Variants in ADK observed in about 807,000 individuals in gnomAD.
ADK encodes N6,N6-dimethyladenosine kinase.
In ADK, 24 loss-of-function variants were observed where a neutral mutation model predicts 44.7. That is an observed-to-expected ratio of 0.54 (90% CI 0.39 to 0.76). ADK has a LOEUF of 0.76. Ranked by LOEUF, ADK falls within the 30% of genes least tolerant of loss-of-function variation. The pLI is 0.00. For missense variants in ADK, 321 were observed against 425.1 expected (o/e 0.76, Z 2.15); for synonymous variants, 128 against 142.6 (o/e 0.90, Z 0.73).
At chr10:74,474,612 T>C (rs1846751912) in intron 6 of ADK, among the ~76,000 whole-genome samples, 1 of 150,934 alleles carries the variant, frequency 6.6e-6, no homozygotes, top group African/African-American at 2.4e-5. Flanking sequence ...GGCGAGATCA[T>C]GGCTCGCTGA....
At chr10:74,548,809 C>T (rs143066901) in intron 7 of ADK, among the ~76,000 whole-genome samples, 63 of 152,230 alleles carry the variant, frequency 4.1e-4, no homozygotes, top group African/African-American at 1.4e-3. Flanking sequence ...ATTTGTTGAA[C>T]GAGTAAATGA....
chr10:74,575,817 A>G, intron 7 of ADK, among the ~76,000 whole-genome samples: 1 of 152,188 alleles, frequency 6.6e-6, no homozygotes, highest in East Asian at 1.9e-4. Flanking sequence ...GTGTGCAAGG[A>G]TGCCTTCAAA....
chr10:74,248,807 CA>C (rs1400234179), intron 3 of ADK, among the ~76,000 whole-genome samples: 1 of 152,192 alleles, frequency 6.6e-6, no homozygotes, highest in Non-Finnish European at 1.5e-5. Context: ...TCACCATGAT[CA>C]CTGACATCAA....
intron 3 of ADK, among the ~76,000 whole-genome samples, chr10:74,235,798 G>A (rs1844937002): frequency 6.6e-6 from 1 of 152,192 alleles, no homozygotes; most frequent in Non-Finnish European, 1.5e-5. Flanking sequence ...AGTAATAAGA[G>A]GTGGAGGCCT....
intron 1 of ADK, among the ~76,000 whole-genome samples, chr10:74,194,772 G>A (rs1019739862): frequency 2.6e-5 from 4 of 152,156 alleles, no homozygotes; most frequent in Non-Finnish European, 5.9e-5. Flanking sequence ...GCTAGTTGAC[G>A]TAGAGAGAAG....
At chr10:74,220,145 A>G (rs1378786769) in intron 2 of ADK, among the ~76,000 whole-genome samples, 1 of 152,150 alleles carries the variant, frequency 6.6e-6, no homozygotes, top group Non-Finnish European at 1.5e-5. Flanking sequence ...AGAAAAAAAG[A>G]AAGAAGAATC....
At chr10:74,610,611 T>C (rs1564818221) in intron 9 of ADK, among the ~76,000 whole-genome samples, 1 of 151,998 alleles carries the variant, frequency 6.6e-6, no homozygotes, top group Admixed American at 6.6e-5. Context: ...TTAAAAAAAA[T>C]TAAACATAAC....
At chr10:74,484,973 T>G (rs1443217943) in intron 6 of ADK, among the ~76,000 whole-genome samples, 1 of 152,028 alleles carries the variant, frequency 6.6e-6, no homozygotes, top group Non-Finnish European at 1.5e-5. Flanking sequence ...CTGTATGATC[T>G]CGGGGTGTGG....
chr10:74,662,113 A>G (rs1276460414), intron 9 of ADK, among the ~76,000 whole-genome samples: 2 of 152,310 alleles, frequency 1.3e-5, no homozygotes, highest in South Asian at 2.1e-4. Context: ...CTTAATCCAT[A>G]TAATAGTCAC....
intron 7 of ADK, among the ~76,000 whole-genome samples, chr10:74,563,633 C>T (rs1382327131): frequency 1.3e-5 from 2 of 152,104 alleles, no homozygotes; most frequent in East Asian, 3.9e-4. Flanking sequence ...ACAAAATCAG[C>T]ATTTTTAAAT....
At chr10:74,680,463 T>C (rs1234296576) in intron 10 of ADK, among the ~76,000 whole-genome samples, 1 of 152,114 alleles carries the variant, frequency 6.6e-6, no homozygotes, top group African/African-American at 2.4e-5. Flanking sequence ...TCCAAACAGC[T>C]AACAGTGGAT....
chr10:74,327,853 T>A (rs1318294389), intron 4 of ADK, among the ~76,000 whole-genome samples: 1 of 152,208 alleles, frequency 6.6e-6, no homozygotes, highest in Non-Finnish European at 1.5e-5. Flanking sequence ...AACTTAACTT[T>A]GATTGCTAAA....
chr10:74,542,292 G>A (rs1324611769), intron 7 of ADK, among the ~76,000 whole-genome samples: 1 of 152,076 alleles, frequency 6.6e-6, no homozygotes, highest in Non-Finnish European at 1.5e-5. Context: ...AGCCATGCCT[G>A]GATTCCTTTT....
chr10:74,365,543 CTGCCTTTTGAA>C (rs1205263751), intron 4 of ADK, among the ~76,000 whole-genome samples: 1 of 152,196 alleles, frequency 6.6e-6, no homozygotes, highest in Non-Finnish European at 1.5e-5. Context: ...CGAGTTGTTT[CTGCCTTTTGAA>C]TGCCTGATTT....
intron 3 of ADK, among the ~76,000 whole-genome samples, chr10:74,300,362 T>TTCCTTCCTTCCTTCCTTCCTTC (rs1564641103): frequency 7.0e-5 from 4 of 57,412 alleles, no homozygotes; most frequent in East Asian, 3.6e-4. Flanking sequence ...TTCCTTCCTT[T>TTCCTTCCTTCCTTCCTTCCTTC]CTTTCTTTCT....
chr10:74,299,499 C>CAAA (rs57161550), intron 3 of ADK, among the ~76,000 whole-genome samples: 25 of 124,134 alleles, frequency 2.0e-4, no homozygotes, highest in African/African-American at 5.0e-4. Context: ...GACTCTGTCT[C>CAAA]AAAAAAAAAA....
At chr10:74,666,733 A>G (rs1455103264) in intron 9 of ADK, among the ~76,000 whole-genome samples, 1 of 151,868 alleles carries the variant, frequency 6.6e-6, no homozygotes, top group Non-Finnish European at 1.5e-5. Context: ...GTAAGTGTAT[A>G]TTCAGATTTA....
chr10:74,573,452 C>A (rs544470409), intron 7 of ADK, among the ~76,000 whole-genome samples: 1 of 152,176 alleles, frequency 6.6e-6, no homozygotes, highest in Non-Finnish European at 1.5e-5. Context: ...CAGGGGTCAG[C>A]GGTCAGGGAC....
At chr10:74,341,054 T>C (rs1254497845) in intron 4 of ADK, among the ~76,000 whole-genome samples, 1 of 152,208 alleles carries the variant, frequency 6.6e-6, no homozygotes, top group Non-Finnish European at 1.5e-5. Context: ...ATTAGCTTGA[T>C]TGAAGAACAC....
Sources: gnomAD v4.1 joint callset for allele counts (sites outside exome capture counted in the v4.1 genomes callset) on GRCh38, gnomAD v4.1.1 for gene constraint, MANE v1.5 for transcripts, NCBI Gene and HGNC (gene_info 2026-07-23, HGNC 2026-07-21) for gene names.